SMYD3: variants seen among roughly 807,000 people sequenced by gnomAD.
The protein encoded by SMYD3 is SET and MYND domain containing 3.
SMYD3 carries 36 observed loss-of-function variants against 57.7 expected under a neutral mutation model. The observed-to-expected ratio is 0.62, with a 90% confidence interval of 0.48 to 0.82. SMYD3 has a LOEUF of 0.82. SMYD3 is among the 40% of genes least tolerant of loss of function. The pLI, the probability that SMYD3 is intolerant of heterozygous loss-of-function variation, is 0.00. For synonymous variants in SMYD3, 211 were observed against 195.0 expected (o/e 1.08, Z -0.68); for missense variants, 515 against 538.8 (o/e 0.96, Z 0.44).
intron 10 of SMYD3, among the ~76,000 whole-genome samples, chr1:245,764,957 C>T (rs1467434171): frequency 1.3e-5 from 2 of 151,676 alleles, no homozygotes; most frequent in African/African-American, 2.4e-5. Context: ...GCAGTTTGGC[C>T]TCTTCTGGCC....
chr1:245,858,817 C>T (rs144747360), intron 9 of SMYD3, 147 bp from the exon 10 acceptor site: 16 of 762,142 alleles, frequency 2.1e-5, no homozygotes, highest in Non-Finnish European at 3.1e-5. Context: ...TGAAAACACA[C>T]TTGAGAAGCA....
At position 246,331,054 on chromosome 1, in the gene SMYD3, G is replaced by A. The variant is rs532835983; in HGVS notation, c.337-517C>T. Among the ~76,000 whole-genome samples the A allele has an allele frequency of 5.3e-5, 8 of 152,300 alleles. No homozygotes were observed. In the South Asian group the frequency reaches 1.5e-3, roughly 28 times the overall value. ...GCAGGCCGAGGAGGGAGAATCACTT[G>A]AGCCCAGCAGTTCAAGCTTGCAATG... On this transcript the variant is annotated intron_variant, in intron 3 of 11. Coordinates refer to ENST00000490107, the MANE Select transcript of SMYD3 (RefSeq NM_001167740.2).
chr1:245,890,839 G>A (rs1296097666), intron 8 of SMYD3, among the ~76,000 whole-genome samples: 3 of 152,134 alleles, frequency 2.0e-5, no homozygotes, highest in African/African-American at 7.2e-5. Flanking sequence ...GTTGATAGAT[G>A]AATAAAGAAA....
chr1:245,759,330 ACG>A (rs1558306803), intron 11 of SMYD3, among the ~76,000 whole-genome samples: 2 of 151,538 alleles, frequency 1.3e-5, no homozygotes, highest in African/African-American at 4.9e-5. Flanking sequence ...ACCTCCCCAC[ACG>A]GTAACGTATG....
chr1:245,850,479 C>T (rs2050908581), intron 10 of SMYD3, among the ~76,000 whole-genome samples: 1 of 152,068 alleles, frequency 6.6e-6, no homozygotes. Context: ...ATCACTTGGG[C>T]CCAGGAGTTC....
At chr1:246,472,454 G>T (rs1218805449) in intron 1 of SMYD3, among the ~76,000 whole-genome samples, 1 of 151,998 alleles carries the variant, frequency 6.6e-6, no homozygotes. Context: ...GGTTAAAATG[G>T]CAAATAGGCT....
chr1:246,494,997 A>G (rs1396883431), intron 1 of SMYD3, among the ~76,000 whole-genome samples: 1 of 152,198 alleles, frequency 6.6e-6, no homozygotes. Flanking sequence ...TGAAGATGGA[A>G]AAGAAAGATA....
At chr1:246,031,307 C>T (rs538598660) in intron 5 of SMYD3, among the ~76,000 whole-genome samples, 1 of 152,176 alleles carries the variant, frequency 6.6e-6, no homozygotes, top group East Asian at 1.9e-4. Flanking sequence ...TTCAGACCAA[C>T]TTCTGGAATC....
At chr1:246,403,297 C>A (rs1016098754) in intron 1 of SMYD3, among the ~76,000 whole-genome samples, 2 of 151,670 alleles carry the variant, frequency 1.3e-5, no homozygotes, top group African/African-American at 4.8e-5. Flanking sequence ...AGTTTGAGAC[C>A]AGCCTGGGCA....
intron 5 of SMYD3, among the ~76,000 whole-genome samples, chr1:246,002,279 G>T (rs948364305): frequency 7.8e-6 from 1 of 128,738 alleles, no homozygotes; most frequent in Non-Finnish European, 1.7e-5. Context: ...CCGCCTCCCG[G>T]GTTCACGCCA....
intron 5 of SMYD3, among the ~76,000 whole-genome samples, chr1:246,040,505 T>C (rs2148292361): frequency 6.6e-6 from 1 of 152,306 alleles, no homozygotes; most frequent in South Asian, 2.1e-4. Context: ...TGCTTTCTCG[T>C]AGGAATTTGC....
chr1:246,441,366 C>T (rs2067460106), intron 1 of SMYD3, among the ~76,000 whole-genome samples: 1 of 152,148 alleles, frequency 6.6e-6, no homozygotes, highest in Non-Finnish European at 1.5e-5. Flanking sequence ...TCCAAGTTAT[C>T]TTATTTCATA....
chr1:246,313,819 AT>A (rs371227333), intron 5 of SMYD3, among the ~76,000 whole-genome samples: 57 of 152,350 alleles, frequency 3.7e-4, no homozygotes, highest in African/African-American at 1.3e-3. Flanking sequence ...AGTTTATAGC[AT>A]AGAAAATGTT....
intron 2 of SMYD3, among the ~76,000 whole-genome samples, chr1:246,349,403 G>A (rs1047856413): frequency 8.6e-5 from 13 of 151,960 alleles, no homozygotes; most frequent in African/African-American, 1.7e-4. Context: ...TTAGGAGTTC[G>A]AGACCAGCCT....
At chr1:246,486,996 CCTATA>C (rs1395366282) in intron 1 of SMYD3, among the ~76,000 whole-genome samples, 4 of 152,114 alleles carry the variant, frequency 2.6e-5, no homozygotes, top group African/African-American at 9.7e-5. Flanking sequence ...AAATTACCCA[CCTATA>C]CTAATAGAAA....
At chr1:245,873,266 T>C (rs1373748305) in intron 8 of SMYD3, among the ~76,000 whole-genome samples, 1 of 152,216 alleles carries the variant, frequency 6.6e-6, no homozygotes, top group African/African-American at 2.4e-5. Context: ...TAATGGGGAT[T>C]AGATGACACA....
chr1:246,119,173 A>C (rs1176669060), intron 5 of SMYD3, among the ~76,000 whole-genome samples: 1 of 152,066 alleles, frequency 6.6e-6, no homozygotes, highest in Non-Finnish European at 1.5e-5. Flanking sequence ...AACGCATGCC[A>C]ACATGCTTGG....
At chr1:246,299,570 G>GA (rs2064856610) in intron 5 of SMYD3, among the ~76,000 whole-genome samples, 1 of 152,074 alleles carries the variant, frequency 6.6e-6, no homozygotes, top group South Asian at 2.1e-4. Context: ...ATTCACAATA[G>GA]AAAAAGCATG....
intron 5 of SMYD3, among the ~76,000 whole-genome samples, chr1:246,293,628 G>A (rs891473403): frequency 1.3e-5 from 2 of 152,048 alleles, no homozygotes; most frequent in African/African-American, 2.4e-5. Flanking sequence ...GAAGAAGAGC[G>A]TCTATCCCAG....
Sources: allele counts gnomAD v4.1 joint callset (sites outside exome capture counted in the v4.1 genomes callset), GRCh38; gene constraint gnomAD v4.1.1; transcripts MANE v1.5; gene names NCBI Gene and HGNC (gene_info 2026-07-23, HGNC 2026-07-21).